The following MYRIP variants were observed in gnomAD, a reference collection of about 807,000 sequenced individuals.
MYRIP encodes the protein myosin VIIA and Rab interacting protein.
In MYRIP, 49 loss-of-function variants were observed where a neutral mutation model predicts 98.0. The observed-to-expected ratio is 0.50, with a 90% confidence interval of 0.40 to 0.63. The LOEUF (loss-of-function observed/expected upper bound fraction) is 0.63. MYRIP is among the 30% of genes least tolerant of loss of function. The probability of loss-of-function intolerance (pLI) is 0.00; values close to 1 mark genes in which losing one functional copy is unlikely to be tolerated. For synonymous variants in MYRIP, 404 were observed against 409.5 expected (o/e 0.99, Z 0.16); for missense variants, 1,004 against 1,058.2 (o/e 0.95, Z 0.71).
chr3:39,959,868 C>T (rs1319278347), intron 2 of MYRIP, among the ~76,000 whole-genome samples: 5 of 152,106 alleles, frequency 3.3e-5, no homozygotes, highest in Non-Finnish European at 7.3e-5. Context: ...AATGGCAGTG[C>T]TCCTGTCTAG....
At position 40,258,229 on chromosome 3, in the gene MYRIP, C is replaced by A; in HGVS notation, c.*63C>A. 1.3e-6 allele frequency: 2 copies of A among 1,585,736 alleles called. No individual in the cohort carries two copies. The highest frequency in any genetic ancestry group is 2.2e-5 in the East Asian group (1 of 44,710). On this transcript the variant is annotated 3_prime_UTR_variant, in exon 17 of 17. Coordinates refer to ENST00000302541, the MANE Select transcript of MYRIP (RefSeq NM_015460.4). ...GGCCGTACACGACAGTGCCTTGACCCAACAGCCATCGAGTACTGTATGTAT... is the reference window on the plus strand; with the variant it reads ...GGCCGTACACGACAGTGCCTTGACCAAACAGCCATCGAGTACTGTATGTAT...
intron 3 of MYRIP, among the ~76,000 whole-genome samples, chr3:40,117,958 A>G (rs1191044614): frequency 6.6e-6 from 1 of 152,204 alleles, no homozygotes; most frequent in Non-Finnish European, 1.5e-5. Flanking sequence ...AGACTAGGGT[A>G]ATTATTTGTA....
rs1050715334 is a variant in MYRIP, at chr3:40,034,053, C to A, written c.111-9997C>A. Among the ~76,000 whole-genome samples, 63 of 152,192 alleles carry A rather than the reference C, an allele frequency of 4.1e-4. 1 individual carries two copies. The highest frequency in any genetic ancestry group is 1.3e-3 in the African/African-American group (55 of 41,532). ...GCTGAAACTGGATCCTTTCCTTACA[C>A]CTTATACAAAAATTAATTCAAGATG... On this transcript the variant is annotated intron_variant, in intron 2 of 16. Coordinates refer to ENST00000302541, the MANE Select transcript of MYRIP (RefSeq NM_015460.4).
intron 1 of MYRIP, among the ~76,000 whole-genome samples, chr3:39,852,419 A>G (rs765222342): frequency 8.5e-5 from 13 of 152,190 alleles, no homozygotes; most frequent in Non-Finnish European, 1.5e-4. Context: ...AATTTGTGGA[A>G]CAGGTGGTGC....
chr3:39,845,996 C>T (rs1338519859), intron 1 of MYRIP, among the ~76,000 whole-genome samples: 3 of 152,136 alleles, frequency 2.0e-5, no homozygotes. Context: ...GATTCTAGAA[C>T]TTGCAGATCA....
At chr3:40,020,880 C>T (rs952663693) in intron 2 of MYRIP, among the ~76,000 whole-genome samples, 1 of 152,132 alleles carries the variant, frequency 6.6e-6, no homozygotes, top group Non-Finnish European at 1.5e-5. Context: ...GTTCTGGAAG[C>T]TGTGCAAGTG....
At chr3:39,848,902 GA>G (rs750639288) in intron 1 of MYRIP, among the ~76,000 whole-genome samples, 1 of 151,682 alleles carries the variant, frequency 6.6e-6, no homozygotes, top group African/African-American at 2.4e-5. Flanking sequence ...GGAGGAGTTG[GA>G]AAAAAAAGAG....
At chr3:40,103,303 C>G (rs1037169448) in intron 3 of MYRIP, among the ~76,000 whole-genome samples, 4 of 152,212 alleles carry the variant, frequency 2.6e-5, no homozygotes, top group Admixed American at 2.6e-4. Flanking sequence ...CCTAGGCACC[C>G]TTGCCCCACT....
chr3:39,826,144 G>T (rs1042196326), intron 1 of MYRIP, among the ~76,000 whole-genome samples: 1 of 150,490 alleles, frequency 6.6e-6, no homozygotes, highest in African/African-American at 2.4e-5. Context: ...GTTATCTATT[G>T]TATTTTTTTA....
chr3:40,135,138 A>G (rs1009310870), intron 3 of MYRIP, among the ~76,000 whole-genome samples: 1 of 152,224 alleles, frequency 6.6e-6, no homozygotes, highest in African/African-American at 2.4e-5. Context: ...ACTTTGAAAA[A>G]AAATTAGATG....
chr3:39,841,698 T>A (rs1278964911), intron 1 of MYRIP, among the ~76,000 whole-genome samples: 1 of 152,194 alleles, frequency 6.6e-6, no homozygotes, highest in Non-Finnish European at 1.5e-5. Context: ...TAATTTTCCT[T>A]CTAATAGGCA....
intron 1 of MYRIP, among the ~76,000 whole-genome samples, chr3:39,852,752 CTTCTGTTCTCCTCTT>C (rs1043470193): frequency 7.4e-5 from 10 of 135,958 alleles, no homozygotes; most frequent in African/African-American, 2.8e-4. Flanking sequence ...CTTCTCTTCT[CTTCTGTTCTCCTCTT>C]CTCTTCTCTT....
At chr3:40,203,105 T>C (rs1951616549) in intron 10 of MYRIP, among the ~76,000 whole-genome samples, 2 of 151,822 alleles carry the variant, frequency 1.3e-5, no homozygotes, top group Non-Finnish European at 2.9e-5. Flanking sequence ...AATTTTTTTA[T>C]ATTTTTAGTA....
At chr3:39,820,159 G>A (rs1253876922) in intron 1 of MYRIP, among the ~76,000 whole-genome samples, 2 of 152,134 alleles carry the variant, frequency 1.3e-5, no homozygotes, top group African/African-American at 2.4e-5. Flanking sequence ...CCATGACCTC[G>A]GGATCTAATG....
intron 3 of MYRIP, among the ~76,000 whole-genome samples, chr3:40,135,711 A>G (rs1033423682): frequency 2.2e-4 from 34 of 152,400 alleles, no homozygotes; most frequent in African/African-American, 7.9e-4. Context: ...AAGCCAGAAG[A>G]CAGTGGAGAC....
At chr3:39,901,653 G>A (rs1355809047) in intron 2 of MYRIP, among the ~76,000 whole-genome samples, 1 of 152,056 alleles carries the variant, frequency 6.6e-6, no homozygotes, top group Non-Finnish European at 1.5e-5. Context: ...TATTCCTTGG[G>A]ATTCCATGGG....
chr3:39,840,299 C>CT (rs544171222), intron 1 of MYRIP, among the ~76,000 whole-genome samples: 43 of 151,812 alleles, frequency 2.8e-4, no homozygotes, highest in African/African-American at 9.2e-4. Context: ...CAACCCCTGC[C>CT]TTTTTTTTGC....
intron 2 of MYRIP, among the ~76,000 whole-genome samples, chr3:40,003,609 C>T (rs4128233): frequency 0.8 from 121,491 of 152,076 alleles, 51,596 homozygotes; most frequent in Non-Finnish European, 0.94. Context: ...TCCCTTAATG[C>T]ACCTTTTCTC....
chr3:40,159,814 C>T (rs1362851886), intron 4 of MYRIP, among the ~76,000 whole-genome samples: 1 of 152,066 alleles, frequency 6.6e-6, no homozygotes, highest in African/African-American at 2.4e-5. Flanking sequence ...GCATTCTTCA[C>T]GTAGTTCTCG....
Sources: allele counts gnomAD v4.1 joint callset (sites outside exome capture counted in the v4.1 genomes callset), GRCh38; gene constraint gnomAD v4.1.1; transcripts MANE v1.5; gene names NCBI Gene and HGNC (gene_info 2026-07-23, HGNC 2026-07-21).